PACRG: variants seen among roughly 807,000 people sequenced by gnomAD.
PACRG encodes parkin coregulated gene protein.
A neutral mutation model predicts 29.7 loss-of-function variants in PACRG; 29 were observed. The ratio of observed to expected loss-of-function variants is 0.98; its 90% CI spans 0.73 to 1.33. The LOEUF (loss-of-function observed/expected upper bound fraction) is 1.33, where lower values mean the gene tolerates loss of function less well. Ranked by LOEUF, PACRG falls within the 40% of genes most tolerant of loss-of-function variation. The probability of loss-of-function intolerance (pLI) is 0.00; values close to 1 mark genes in which losing one functional copy is unlikely to be tolerated. For synonymous variants in PACRG, 116 were observed against 118.7 expected (o/e 0.98, Z 0.15); for missense variants, 279 against 316.2 (o/e 0.88, Z 0.89).
intron 2 of PACRG, among the ~76,000 whole-genome samples, chr6:162,931,255 T>A (rs1393345693): frequency 6.6e-6 from 1 of 151,894 alleles, no homozygotes; most frequent in Non-Finnish European, 1.5e-5. Context: ...AATATTTTCT[T>A]CCAGCACACA....
chr6:162,947,324 A>ATATAAT (rs1562765417), intron 2 of PACRG, among the ~76,000 whole-genome samples: 3 of 84,774 alleles, frequency 3.5e-5, no homozygotes, highest in African/African-American at 1.2e-4. Flanking sequence ...CATATATAAT[A>ATATAAT]CATATAATCA....
At chr6:163,033,933 A>G (rs539129854) in intron 2 of PACRG, among the ~76,000 whole-genome samples, 1 of 152,242 alleles carries the variant, frequency 6.6e-6, no homozygotes, top group Non-Finnish European at 1.5e-5. Context: ...TCATTGTGAC[A>G]GAACAATAAA....
At position 162,736,859 on chromosome 6, in the gene PACRG, ATGT is replaced by A. The variant is rs540184900; in HGVS notation, c.156+8474_156+8476del. On this transcript the variant is annotated intron_variant, in intron 1 of 4. Coordinates refer to ENST00000366888, the MANE Select transcript of PACRG (RefSeq NM_001080379.2). Reference sequence around the variant, plus strand: ...TCCTTCTAATATGCTAATATTTTACATGTTGTTGAAAGCTCATAAGCATTTAAA... The same window carrying A: ...TCCTTCTAATATGCTAATATTTTACATGTTGAAAGCTCATAAGCATTTAAA... Among the ~76,000 whole-genome samples, 86 of 152,180 alleles carry A rather than the reference ATGT, an allele frequency of 5.7e-4. No homozygotes were observed. In the East Asian group the frequency reaches 0.016, roughly 29 times the overall value.
chr6:163,241,761 A>G (rs896805030), intron 4 of PACRG, among the ~76,000 whole-genome samples: 1 of 152,188 alleles, frequency 6.6e-6, no homozygotes, highest in Non-Finnish European at 1.5e-5. Context: ...AGAACCATGA[A>G]GCGGGTGTGT....
intron 4 of PACRG, among the ~76,000 whole-genome samples, chr6:163,206,681 A>T (rs911339652): frequency 2.9e-4 from 44 of 150,564 alleles, no homozygotes; most frequent in Admixed American, 1.3e-4. Context: ...AATAAAAGTT[A>T]AAAAATAGAA....
chr6:163,281,678 T>G lies in PACRG; in HGVS notation c.614-33149T>G, dbSNP rs148958413. 6.7e-4 allele frequency among the ~76,000 whole-genome samples: 102 copies of G among 152,294 alleles called. 1 individual carries two copies. The highest frequency in any genetic ancestry group is 2.3e-3 in the African/African-American group (97 of 41,564). On this transcript the variant is annotated intron_variant, in intron 4 of 4. Coordinates refer to ENST00000366888, the MANE Select transcript of PACRG (RefSeq NM_001080379.2). ...TTATGAAGACAAAATTTAAACATCT[T>G]ATATTCAATAATTACCAATTCTAAG...
chr6:163,242,156 A>T (rs544819864), intron 4 of PACRG, among the ~76,000 whole-genome samples: 1 of 152,344 alleles, frequency 6.6e-6, no homozygotes, highest in East Asian at 1.9e-4. Context: ...TAGAAAATTA[A>T]ATTAGGTTCA....
chr6:163,026,002 G>C (rs112049607), intron 2 of PACRG, among the ~76,000 whole-genome samples: 1 of 152,116 alleles, frequency 6.6e-6, no homozygotes, highest in African/African-American at 2.4e-5. Context: ...AAAATTTATA[G>C]GGAACCAAAA....
intron 2 of PACRG, among the ~76,000 whole-genome samples, chr6:163,014,618 A>AT (rs1440694482): frequency 6.6e-6 from 1 of 151,438 alleles, no homozygotes; most frequent in African/African-American, 2.4e-5. Flanking sequence ...TGACATGAGC[A>AT]TTTTTTCAGG....
At chr6:162,774,940 G>A (rs61469538) in intron 1 of PACRG, among the ~76,000 whole-genome samples, 6,579 of 152,218 alleles carry the variant, frequency 0.043, 483 homozygotes, top group African/African-American at 0.15. Flanking sequence ...CAGTGAGCAC[G>A]GTGCTCTGCA....
Position 163,142,439 on chromosome 6 carries a change from A to T in PACRG, c.613+53031A>T, listed in dbSNP as rs112525010. 7.3e-4 allele frequency among the ~76,000 whole-genome samples: 111 copies of T among 152,332 alleles called. 1 individual carries two copies. Among genetic ancestry groups the T allele is most frequent in the African/African-American group, 2.2e-3 (93 of 41,578 alleles). ...AATTACCAAAAAATAGAAACCCAAA[A>T]TAAGCCAATAAACATTAAAAAAATG... On this transcript the variant is annotated intron_variant, in intron 4 of 4. Transcript: ENST00000366888.
intron 2 of PACRG, among the ~76,000 whole-genome samples, chr6:163,047,897 A>G (rs999498196): frequency 1.8e-4 from 28 of 152,222 alleles, no homozygotes; most frequent in African/African-American, 6.0e-4. Flanking sequence ...AATTGTCTCC[A>G]TAAGGTCTTA....
intron 4 of PACRG, among the ~76,000 whole-genome samples, chr6:163,238,815 G>T (rs764180069): frequency 6.6e-6 from 1 of 152,002 alleles, no homozygotes; most frequent in Non-Finnish European, 1.5e-5. Context: ...CATGTAAAAG[G>T]CTCAAAAAAA....
intron 1 of PACRG, among the ~76,000 whole-genome samples, chr6:162,811,581 G>C (rs1786871172): frequency 1.3e-5 from 2 of 152,014 alleles, no homozygotes; most frequent in South Asian, 4.1e-4. Context: ...TGAACATTTA[G>C]TTATAATGAA....
rs139699269 is a variant in PACRG at position 163,120,041 on chromosome 6, C to T, written c.613+30633C>T. On this transcript the variant is annotated intron_variant, in intron 4 of 4. Coordinates refer to ENST00000366888, the MANE Select transcript of PACRG (RefSeq NM_001080379.2). Reference sequence around the variant, plus strand: ...AGTATTAGTTTTCCCATTCATAGCACGAGAAAAATAATACATTCCTTTTTT... The same window carrying T: ...AGTATTAGTTTTCCCATTCATAGCATGAGAAAAATAATACATTCCTTTTTT... 7.7e-3 allele frequency among the ~76,000 whole-genome samples: 1,176 copies of T among 152,056 alleles called. 10 individuals carry two copies. Among genetic ancestry groups the T allele is most frequent in the Middle Eastern group, 0.01 (3 of 294 alleles).
At chr6:163,290,264 GCACGCGCGCGCGCGCACACACACA>G (rs1784543900) in intron 4 of PACRG, among the ~76,000 whole-genome samples, 2 of 128,942 alleles carry the variant, frequency 1.6e-5, no homozygotes, top group South Asian at 5.0e-4. Context: ...ATGTGCGCAT[GCACGCGCGCGCGCGCACACACACA>G]CACACACACA....
At position 163,269,793 on chromosome 6, in the gene PACRG, AAAGGAAGG is replaced by A. The variant is rs1261086367; in HGVS notation, c.614-45012_614-45005del. On this transcript the variant is annotated intron_variant, in intron 4 of 4. Transcript: ENST00000366888. ...GACAGACAGACAGACAGAAAGAAAG[AAAGGAAGG>A]AAGGAAGGAAGGAAGGAAGGAGAAA... Among the ~76,000 whole-genome samples, 9 of 81,430 alleles carry A rather than the reference AAAGGAAGG, an allele frequency of 1.1e-4. 1 individual carries two copies. The highest frequency in any genetic ancestry group is 3.8e-4 in the South Asian group (1 of 2,626). 53.4% of individuals were successfully genotyped at this position (81,430 alleles called of 152,430 possible).
chr6:163,283,468 A>G (rs74299413), intron 4 of PACRG, among the ~76,000 whole-genome samples: 5 of 152,242 alleles, frequency 3.3e-5, no homozygotes, highest in South Asian at 4.1e-4. Context: ...CATAAACACA[A>G]TGTTATGGAT....
rs1783701749 is a variant in PACRG, at chr6:163,269,894, CAAAGAA to C, written c.614-44931_614-44926del. Among the ~76,000 whole-genome samples, 2 of 18,704 alleles carry C rather than the reference CAAAGAA, an allele frequency of 1.1e-4. 1 individual carries two copies. Among genetic ancestry groups the C allele is most frequent in the Non-Finnish European group, 2.1e-4 (2 of 9,660 alleles). The allele number at this position is 18,704 out of a possible 152,430, so 12.3% of individuals were successfully genotyped here. A position where few individuals can be genotyped will look rare whatever the true frequency, so the allele number is the denominator to read the frequency against. On this transcript the variant is annotated intron_variant, in intron 4 of 4. Coordinates refer to ENST00000366888, the MANE Select transcript of PACRG (RefSeq NM_001080379.2). ...GAAAGAAAGAAAGAAAGAAAGAAAA[CAAAGAA>C]AGAAAGAAAGAAAGAAAGAAAGAAA...
Sources: allele counts gnomAD v4.1 joint callset (sites outside exome capture counted in the v4.1 genomes callset), GRCh38; gene constraint gnomAD v4.1.1; transcripts MANE v1.5; gene names NCBI Gene and HGNC (gene_info 2026-07-23, HGNC 2026-07-21).